The following SCOC variants were observed in gnomAD, a reference collection of about 807,000 sequenced individuals.
SCOC encodes short coiled coil protein.
SCOC carries 7 observed loss-of-function variants against 9.9 expected under a neutral mutation model. That is an observed-to-expected ratio of 0.71 (90% CI 0.40 to 1.33). The LOEUF (loss-of-function observed/expected upper bound fraction) is 1.33, where lower values mean the gene tolerates loss of function less well. Ranked by LOEUF, SCOC falls within the 40% of genes most tolerant of loss-of-function variation. The pLI is 0.01. For missense variants in SCOC, 66 were observed against 89.7 expected (o/e 0.74, Z 1.07); for synonymous variants, 19 against 28.2 (o/e 0.67, Z 1.03).
upstream of SCOC, among the ~76,000 whole-genome samples, chr4:140,369,767 C>T (rs755302988): frequency 5.3e-5 from 8 of 150,078 alleles, no homozygotes; most frequent in African/African-American, 2.0e-4. Flanking sequence ...TAGTCCAGGT[C>T]GCATGAATGT....
intron 3 of SCOC, among the ~76,000 whole-genome samples, chr4:140,380,541 A>G (rs1728534008): frequency 6.6e-6 from 1 of 152,080 alleles, no homozygotes; most frequent in African/African-American, 2.4e-5. Flanking sequence ...CATGTGTTCA[A>G]TGTCTTGATA....
rs560047555 is a variant in SCOC, at chr4:140,353,789, C to T, written c.70+10081C>T. ...TGGAAGAACAGTGAGCCTCTCTTGCCGCCTTTCTGTTACAGTGACCTGGGT... is the reference window on the plus strand; with the variant it reads ...TGGAAGAACAGTGAGCCTCTCTTGCTGCCTTTCTGTTACAGTGACCTGGGT... On this transcript the variant is annotated intron_variant, in intron 2 of 4. Coordinates refer to the SCOC transcript ENST00000338517. Among the ~76,000 whole-genome samples the T allele has an allele frequency of 1.7e-4, 26 of 152,306 alleles. No homozygotes were observed. In the South Asian group the frequency reaches 3.9e-3, roughly 23 times the overall value.
At chr4:140,272,807 G>C (rs1197071651) in intron 1 of SCOC, among the ~76,000 whole-genome samples, 1 of 152,018 alleles carries the variant, frequency 6.6e-6, no homozygotes, top group African/African-American at 2.4e-5. Flanking sequence ...GCTATATTTG[G>C]GTGGGGAAGG....
chr4:140,349,804 C>T (rs115356088), intron 2 of SCOC, among the ~76,000 whole-genome samples: 2,458 of 152,272 alleles, frequency 0.016, 51 homozygotes, highest in African/African-American at 0.056. Flanking sequence ...CAGCACCTGC[C>T]TCCCAATGGT....
upstream of SCOC, chr4:140,373,245 T>G: frequency 8.2e-7 from 1 of 1,222,728 alleles, no homozygotes; most frequent in Non-Finnish European, 1.0e-6. Flanking sequence ...GAATGACTTC[T>G]CTGTCGCTCA....
intron 1 of SCOC, among the ~76,000 whole-genome samples, chr4:140,298,598 C>T (rs1731717602): frequency 6.6e-6 from 1 of 152,122 alleles, no homozygotes; most frequent in Non-Finnish European, 1.5e-5. Flanking sequence ...ACCCACCAGC[C>T]TCTGAGTTCT....
exon 1 of SCOC, chr4:140,373,639 TGCCGGGGTCAGTTGGTCCAAGTGTCCCGG>T: frequency 6.4e-7 from 1 of 1,551,470 alleles, no homozygotes; most frequent in Non-Finnish European, 8.7e-7. Context: ...TGGGCGGAGC[TGCCGGGGTCAGTTGGTCCAAGTGTCCCGG>T]CCTGAGGTGT....
intron 1 of SCOC, among the ~76,000 whole-genome samples, chr4:140,336,111 C>A (rs1196115778): frequency 6.6e-6 from 1 of 152,230 alleles, no homozygotes; most frequent in East Asian, 1.9e-4. Context: ...AAAGTAGTTA[C>A]AATTTAATAC....
rs1032476870 is a variant in SCOC, at chr4:140,308,568, G to A, written c.-18-35053G>A. ...ACACCAAGTTTTGCTAAGATTTTCT[G>A]GCTCTGGGAGCCCGTGTGTCGATTC... On this transcript the variant is annotated intron_variant, in intron 1 of 4. Transcript: ENST00000394205. 2.6e-5 allele frequency among the ~76,000 whole-genome samples: 4 copies of A among 152,160 alleles called. No homozygotes were observed. The South Asian group carries it at 6.2e-4, about 24-fold the overall frequency.
At chr4:140,314,826 T>G (rs942771861) in intron 1 of SCOC, among the ~76,000 whole-genome samples, 5 of 152,140 alleles carry the variant, frequency 3.3e-5, no homozygotes, top group Non-Finnish European at 5.9e-5. Context: ...GGGGTGCCAC[T>G]GGGATCTGAG....
At chr4:140,293,351 T>C (rs767225239) in intron 1 of SCOC, 4 of 456,770 alleles carry the variant, frequency 8.8e-6, no homozygotes, top group Non-Finnish European at 1.8e-5. Context: ...ACGTCACTCC[T>C]GGTGTGTCTT....
intron 1 of SCOC, among the ~76,000 whole-genome samples, chr4:140,378,883 C>T (rs748074687): frequency 3.9e-5 from 6 of 152,032 alleles, no homozygotes; most frequent in Admixed American, 6.5e-5. Flanking sequence ...TCATTATCTC[C>T]TTTAAAAATA....
intron 1 of SCOC, among the ~76,000 whole-genome samples, chr4:140,327,141 A>G (rs1264679214): frequency 1.3e-5 from 2 of 152,186 alleles, no homozygotes; most frequent in Non-Finnish European, 2.9e-5. Context: ...AACAAAATTT[A>G]GTTTATGTTA....
chr4:140,270,138 G>T (rs1005827759), intron 1 of SCOC, among the ~76,000 whole-genome samples: 20 of 152,084 alleles, frequency 1.3e-4, no homozygotes, highest in African/African-American at 4.6e-4. Context: ...TTGAGTGCCT[G>T]CTGCAAGCCC....
chr4:140,363,425 A>G (rs1206636123), intron 2 of SCOC, among the ~76,000 whole-genome samples: 1 of 152,218 alleles, frequency 6.6e-6, no homozygotes, highest in African/African-American at 2.4e-5. Flanking sequence ...ATAGCCTAGA[A>G]ATATATAAAA....
chr4:140,283,247 T>C (rs1038995822), intron 1 of SCOC, among the ~76,000 whole-genome samples: 1 of 152,184 alleles, frequency 6.6e-6, no homozygotes, highest in Non-Finnish European at 1.5e-5. Flanking sequence ...TTATAAAAAT[T>C]AGAGAGCAGA....
At chr4:140,370,265 T>C (rs1727994893), upstream of SCOC, among the ~76,000 whole-genome samples, 1 of 152,186 alleles carries the variant, frequency 6.6e-6, no homozygotes. Flanking sequence ...TGAGATTTGT[T>C]TGATGATACA....
chr4:140,340,979 G>A (rs367971078), upstream of SCOC, among the ~76,000 whole-genome samples: 1 of 150,628 alleles, frequency 6.6e-6, no homozygotes, highest in Admixed American at 6.6e-5. Context: ...TTTTTTTTTA[G>A]TAGAGACAGG....
chr4:140,280,228 C>G (rs1325425424), intron 1 of SCOC, among the ~76,000 whole-genome samples: 1 of 152,174 alleles, frequency 6.6e-6, no homozygotes, highest in Non-Finnish European at 1.5e-5. Flanking sequence ...GTGATCCCCC[C>G]ACCTCAGCCT....
Sources: gnomAD v4.1 joint callset for allele counts (sites outside exome capture counted in the v4.1 genomes callset) on GRCh38, gnomAD v4.1.1 for gene constraint, MANE v1.5 for transcripts, NCBI Gene and HGNC (gene_info 2026-07-23, HGNC 2026-07-21) for gene names.